Variants in SCAF4 observed in about 807,000 individuals in gnomAD.
The protein encoded by SCAF4 is SR-related CTD associated factor 4, also known as SR-related and CTD-associated factor 4.
A neutral mutation model predicts 129.8 loss-of-function variants in SCAF4; 25 were observed. That is an observed-to-expected ratio of 0.19 (90% CI 0.14 to 0.27). The LOEUF (loss-of-function observed/expected upper bound fraction) is 0.27, where lower values mean the gene tolerates loss of function less well. SCAF4 is among the 10% of genes least tolerant of loss of function. The pLI, the probability that SCAF4 is intolerant of heterozygous loss-of-function variation, is 1.00. For missense variants in SCAF4, 1,246 were observed against 1,457.1 expected (o/e 0.86, Z 2.36); for synonymous variants, 551 against 497.7 (o/e 1.11, Z -1.43).
At chr21:31,710,056 C>G (rs1277467653) in intron 1 of SCAF4, among the ~76,000 whole-genome samples, 1 of 152,002 alleles carries the variant, frequency 6.6e-6, no homozygotes, top group African/African-American at 2.4e-5. Context: ...TCCAGGAAGG[C>G]ATCTGTGCCT....
intron 6 of SCAF4, 96 bp from the exon 7 acceptor site, chr21:31,701,267 G>A: frequency 9.1e-7 from 1 of 1,100,040 alleles, no homozygotes; most frequent in Non-Finnish European, 1.3e-6. Context: ...GTGATTCAAA[G>A]TAGCATAGGC....
chr21:31,696,139 T>G lies in SCAF4; in HGVS notation c.1042A>C (p.Ile348Leu). Residue 348 changes from isoleucine (I) to leucine (L), a missense_variant, in exon 9 of 20, where the codon ATA (isoleucine) becomes CTA (leucine). Physicochemically the swap from Ile to Leu is conservative, Grantham distance 5. Around this residue, in one of 6 missense-constraint regions of SCAF4, gnomAD observed 236 missense variants for 210.0 expected, o/e 1.12. Coordinates refer to ENST00000286835, the MANE Select transcript of SCAF4 (RefSeq NM_020706.2). ...MDQFQPRMMG[I>L]QQDPMHHQVP... ...TGATGGTGCATTGGATCCTGTTGTA[T>G]TCCCATCATTCGTGGCTGAAACTGA... is the stretch of plus-strand genomic sequence containing the variant. The G allele has an allele frequency of 6.2e-7, 1 of 1,613,400 alleles. No homozygotes were observed. Among genetic ancestry groups the G allele is most frequent in the African/African-American group, 1.3e-5 (1 of 75,032 alleles).
rs147458435 is a variant in SCAF4 at position 31,675,645 on chromosome 21, G to A, written c.2489-3291C>T. Among the ~76,000 whole-genome samples, 11 of 152,278 alleles carry A rather than the reference G, an allele frequency of 7.2e-5. No individual in the cohort carries two copies. The East Asian group carries it at 1.3e-3, about 19-fold the overall frequency. ...CTGGGAAACAAATTTTTAATACAGC[G>A]AGGCATTAGGGCAGACCAAAACAGT... On this transcript the variant is annotated intron_variant, in intron 19 of 19. Transcript: ENST00000286835.
intron 11 of SCAF4, among the ~76,000 whole-genome samples, chr21:31,693,998 T>A (rs1015840934): frequency 4.0e-5 from 6 of 151,688 alleles, no homozygotes; most frequent in African/African-American, 1.2e-4. Context: ...GCAACTTAAA[T>A]ATAGGGAAAA....
chr21:31,701,245 A>G, intron 6 of SCAF4, 74 bp from the exon 7 acceptor site: 1 of 1,359,722 alleles, frequency 7.4e-7, no homozygotes, highest in Non-Finnish European at 9.9e-7. Flanking sequence ...TTAATAAAAA[A>G]ATGTCTTAAA....
intron 19 of SCAF4, among the ~76,000 whole-genome samples, chr21:31,681,293 G>C (rs1224278796): frequency 2.6e-5 from 4 of 152,200 alleles, no homozygotes; most frequent in African/African-American, 9.6e-5. Flanking sequence ...GTTCGACCTA[G>C]AACAGTTTTT....
At chr21:31,725,018 TA>T (rs776957316) in intron 1 of SCAF4, among the ~76,000 whole-genome samples, 1 of 152,158 alleles carries the variant, frequency 6.6e-6, no homozygotes, top group Non-Finnish European at 1.5e-5. Flanking sequence ...TGTCAGAAAC[TA>T]AGAATTCCCT....
chr21:31,700,411 G>GT (rs1472798206), intron 7 of SCAF4, among the ~76,000 whole-genome samples: 3 of 151,752 alleles, frequency 2.0e-5, no homozygotes, highest in East Asian at 3.9e-4. Context: ...TGGCTGTCAG[G>GT]TTTTTTTAAC....
chr21:31,685,081 G>A lies in SCAF4; in HGVS notation c.2456C>T (p.Thr819Ile). The change falls in exon 19 of 20, where the codon ACC becomes ATC. Residue 819 changes from threonine (T) to isoleucine (I), a missense_variant. Thr to Ile is a moderately conservative substitution (Grantham distance 89). Transcript: ENST00000286835. ...TGAAACAGGCTGGGTTACAGGAGGG[G>A]TGGGCAGATTCGTGGGTGCAGCAGG... ...VPPAAPTNLP[T>I]PPVTQPVSLL... is the part of the protein sequence containing the mutation. The A allele has an allele frequency of 3.7e-6, 6 of 1,612,516 alleles. No homozygotes were observed. The African/African-American group carries it at 4.0e-5, about 11-fold the overall frequency.
chr21:31,721,106 C>T (rs1332845243), intron 1 of SCAF4, among the ~76,000 whole-genome samples: 1 of 152,128 alleles, frequency 6.6e-6, no homozygotes, highest in African/African-American at 2.4e-5. Flanking sequence ...TTCATCACCC[C>T]CAAAACAAAT....
At chr21:31,727,432 GGGCAAGATACAATTCTTCAGGATTTA>G (rs1421949627) in intron 1 of SCAF4, among the ~76,000 whole-genome samples, 2 of 152,070 alleles carry the variant, frequency 1.3e-5, no homozygotes, top group African/African-American at 2.4e-5. Context: ...AAAGTGGGAG[GGGCAAGATACAATTCTTCAGGATTTA>G]GGCAAGATGG....
chr21:31,694,808 T>C lies in SCAF4; in HGVS notation c.1236+5A>G. 1 of 1,613,840 alleles carries C rather than the reference T, an allele frequency of 6.2e-7. No individual in the cohort carries two copies. The highest frequency in any genetic ancestry group is 8.5e-7 in the Non-Finnish European group (1 of 1,179,774). ...AGATAAAACTATCTGAGAATAAAGT[T>C]TTACCTGCTGATGCGGCTTCTGTGT... On this transcript the variant is annotated splice_donor_5th_base_variant and intron_variant, in intron 10 of 19. Transcript: ENST00000286835.
At chr21:31,699,290 A>AT (rs1470423473) in intron 7 of SCAF4, among the ~76,000 whole-genome samples, 1 of 152,216 alleles carries the variant, frequency 6.6e-6, no homozygotes, top group African/African-American at 2.4e-5. Context: ...ACAGACAATC[A>AT]TAAAAAAAAC....
intron 1 of SCAF4, among the ~76,000 whole-genome samples, chr21:31,726,306 A>G (rs567142397): frequency 6.6e-5 from 10 of 152,238 alleles, no homozygotes; most frequent in African/African-American, 2.4e-4. Flanking sequence ...CGGCCTCCCA[A>G]AGTGCTGGGA....
At chr21:31,692,074 C>A in intron 13 of SCAF4, 144 bp from the exon 14 acceptor site, 1 of 585,952 alleles carries the variant, frequency 1.7e-6, no homozygotes. Context: ...GTTGGCAATT[C>A]AAGTTTGGTC....
intron 5 of SCAF4, 38 bp downstream of exon 5, chr21:31,702,206 A>G (rs560817893): frequency 1.8e-5 from 29 of 1,611,938 alleles, no homozygotes; most frequent in Middle Eastern, 1.7e-4. Context: ...GCAAAAAATC[A>G]TACCATTGTG....
At chr21:31,673,988 G>C (rs938360566) in intron 19 of SCAF4, among the ~76,000 whole-genome samples, 9 of 152,184 alleles carry the variant, frequency 5.9e-5, no homozygotes, top group African/African-American at 2.2e-4. Flanking sequence ...CAGAAAAACG[G>C]GGGAAACAGT....
At chr21:31,703,038 GT>G (rs2050572565) in intron 4 of SCAF4, among the ~76,000 whole-genome samples, 3 of 152,028 alleles carry the variant, frequency 2.0e-5, no homozygotes, top group Admixed American at 2.0e-4. Flanking sequence ...TATCTGTAAT[GT>G]TTTTCTACTT....
intron 12 of SCAF4, among the ~76,000 whole-genome samples, chr21:31,692,885 C>G (rs2123535849): frequency 6.6e-6 from 1 of 152,262 alleles, no homozygotes; most frequent in East Asian, 1.9e-4. Flanking sequence ...ATGTTGTGTC[C>G]TAGGTGATAA....
Sources: allele counts gnomAD v4.1 joint callset (sites outside exome capture counted in the v4.1 genomes callset), GRCh38; gene constraint gnomAD v4.1.1; regional missense constraint gnomAD v4.1.1; transcripts MANE v1.5; gene names NCBI Gene and HGNC (gene_info 2026-07-23, HGNC 2026-07-21).